The following GRIN2B variants were observed in gnomAD, a reference collection of about 807,000 sequenced individuals.
The protein encoded by GRIN2B is glutamate ionotropic receptor NMDA type subunit 2B.
In GRIN2B, 5 loss-of-function variants were observed where a neutral mutation model predicts 114.5. The observed-to-expected ratio is 0.04, with a 90% CI of 0.02 to 0.09. The LOEUF is 0.09. Ranked by LOEUF, GRIN2B falls within the 10% of genes least tolerant of loss-of-function variation. The pLI is 1.00. For synonymous variants in GRIN2B, 787 were observed against 745.1 expected (o/e 1.06, Z -0.92); for missense variants, 1,108 against 1,943.5 (o/e 0.57, Z 8.08).
At position 13,675,850 on chromosome 12, in the gene GRIN2B, G is replaced by T. The variant is rs778209882; in HGVS notation, c.1020C>A (p.Ile340=). 1.3e-6 allele frequency: 2 copies of T among 1,557,862 alleles called. No homozygotes were observed. Among genetic ancestry groups the T allele is most frequent in the Admixed American group, 1.7e-5 (1 of 59,834 alleles). ...AATTCCTCCCCTCAAAAGTGACATT[G>T]ATCAGATACCTGTAAAGATAAAATA... is the stretch of plus-strand genomic sequence containing the variant. The part of the protein sequence containing the change: ...YQSNMLNRYL[I]NVTFEGRNLS... The change falls in exon 5 of 14, where the codon ATC becomes ATA. Residue 340 remains isoleucine, a synonymous_variant. Transcript: ENST00000609686.
intron 4 of GRIN2B, among the ~76,000 whole-genome samples, chr12:13,723,274 T>C (rs1159596648): frequency 1.3e-5 from 2 of 152,072 alleles, no homozygotes; most frequent in Non-Finnish European, 2.9e-5. Flanking sequence ...TTTCTCCTAA[T>C]GCTATCCCTC....
At chr12:13,572,095 C>G in intron 10 of GRIN2B, 131 bp from the exon 11 acceptor site, 2 of 734,460 alleles carry the variant, frequency 2.7e-6, no homozygotes, top group Non-Finnish European at 4.8e-6. Context: ...AGGGACCCAA[C>G]TATAATTCAC....
At chr12:13,764,838 G>A (rs1863750115) in intron 3 of GRIN2B, among the ~76,000 whole-genome samples, 2 of 152,184 alleles carry the variant, frequency 1.3e-5, no homozygotes, top group African/African-American at 2.4e-5. Context: ...AAGGAAACTC[G>A]GGGCTTATTC....
intron 2 of GRIN2B, among the ~76,000 whole-genome samples, chr12:13,913,031 C>T (rs570602765): frequency 6.6e-6 from 1 of 152,140 alleles, no homozygotes; most frequent in South Asian, 2.1e-4. Context: ...ACTGAGCTCC[C>T]CAAGCATGCC....
Position 13,547,715 on chromosome 12 carries a change from A to AT in GRIN2B, c.*15067dup, listed in dbSNP as rs1948360551. On this transcript the variant is annotated 3_prime_UTR_variant, in exon 14 of 14. Coordinates refer to ENST00000609686, the MANE Select transcript of GRIN2B (RefSeq NM_000834.5). ...AGACTCTGCAGAGCATAATGTTGCTATGGCTTGTTTTACTGAAGTAAAGAC... is the reference window on the plus strand; with the variant it reads ...AGACTCTGCAGAGCATAATGTTGCTATTGGCTTGTTTTACTGAAGTAAAGAC... The AT allele has an allele frequency of 6.6e-6, 1 of 151,824 alleles. No homozygotes were observed. Among genetic ancestry groups the AT allele is most frequent in the Non-Finnish European group, 1.5e-5 (1 of 67,950 alleles). 9.4% of individuals were successfully genotyped at this position (151,824 alleles called of 1,614,324 possible).
chr12:13,977,227 A>G (rs1298583391), intron 2 of GRIN2B: 1 of 152,154 alleles, frequency 6.6e-6, no homozygotes, highest in African/African-American at 2.4e-5. Flanking sequence ...CAAAAATTGC[A>G]TATATACATT....
At position 13,547,981 on chromosome 12, in the gene GRIN2B, A is replaced by ATATATATATATATTTTTT; in HGVS notation, c.*14801_*14802insAAAAAATATATATATATA. ...TGTGTATATATATATATATATATATATTTTTTTTTTTTTTCTGAAAGCTAC... is the reference window on the plus strand; with the variant it reads ...TGTGTATATATATATATATATATATATATATATATATATTTTTTTTTTTTTTTTTTTTCTGAAAGCTAC... On this transcript the variant is annotated 3_prime_UTR_variant, in exon 14 of 14. Transcript: ENST00000609686. 2.5e-4 allele frequency: 17 copies of ATATATATATATATTTTTT among 68,560 alleles called. No individual in the cohort carries two copies. The highest frequency in any genetic ancestry group is 3.8e-4 in the Non-Finnish European group (13 of 34,374). 4.2% of individuals were successfully genotyped at this position (68,560 alleles called of 1,614,324 possible). A position where few individuals can be genotyped will look rare whatever the true frequency, so the allele number is the denominator to read the frequency against.
intron 2 of GRIN2B, among the ~76,000 whole-genome samples, chr12:13,867,201 G>A (rs554705176): frequency 2.0e-5 from 3 of 151,954 alleles, no homozygotes; most frequent in Admixed American, 6.6e-5. Flanking sequence ...CCATCCTATA[G>A]TCGTGACTTC....
chr12:13,737,615 T>C (rs1306678059), intron 4 of GRIN2B, among the ~76,000 whole-genome samples: 4 of 152,190 alleles, frequency 2.6e-5, no homozygotes, highest in Admixed American at 6.5e-5. Flanking sequence ...CCGATGACCT[T>C]AAGGACGTGA....
At chr12:13,866,986 G>A (rs914276832) in intron 2 of GRIN2B, among the ~76,000 whole-genome samples, 1 of 152,172 alleles carries the variant, frequency 6.6e-6, no homozygotes, top group Non-Finnish European at 1.5e-5. Flanking sequence ...AAACAAACCT[G>A]AACCCAGATC....
chr12:13,865,275 C>T (rs1375895781), intron 3 of GRIN2B, among the ~76,000 whole-genome samples: 2 of 152,190 alleles, frequency 1.3e-5, no homozygotes, highest in African/African-American at 2.4e-5. Flanking sequence ...CAAGTGGACA[C>T]AAAAACCTTT....
At chr12:13,738,112 C>A (rs1484611821) in intron 4 of GRIN2B, among the ~76,000 whole-genome samples, 1 of 149,572 alleles carries the variant, frequency 6.7e-6, no homozygotes, top group African/African-American at 2.5e-5. Context: ...AAGATAAAGA[C>A]AACCCACCAT....
At chr12:13,890,135 C>T (rs1004104316) in intron 2 of GRIN2B, among the ~76,000 whole-genome samples, 1 of 152,132 alleles carries the variant, frequency 6.6e-6, no homozygotes, top group Non-Finnish European at 1.5e-5. Context: ...TGGCCTATCT[C>T]GTTTCATGGA....
intron 2 of GRIN2B, among the ~76,000 whole-genome samples, chr12:13,901,984 C>T (rs1866460545): frequency 6.6e-6 from 1 of 151,880 alleles, no homozygotes; most frequent in Non-Finnish European, 1.5e-5. Context: ...TCTGCCATGC[C>T]CTTCTATTAT....
At chr12:13,962,775 A>G (rs1359382160) in intron 2 of GRIN2B, among the ~76,000 whole-genome samples, 4 of 152,198 alleles carry the variant, frequency 2.6e-5, no homozygotes, top group Non-Finnish European at 1.5e-5. Flanking sequence ...GAGTCCAGAC[A>G]GAACTTCCCA....
intron 5 of GRIN2B, among the ~76,000 whole-genome samples, chr12:13,620,768 T>A (rs1217079770): frequency 6.6e-6 from 1 of 152,114 alleles, no homozygotes; most frequent in African/African-American, 2.4e-5. Flanking sequence ...ATCCTACAAA[T>A]TAAAGCACGA....
intron 2 of GRIN2B, among the ~76,000 whole-genome samples, chr12:13,906,596 A>C (rs538294948): frequency 3.3e-4 from 50 of 152,298 alleles, no homozygotes; most frequent in Middle Eastern, 3.4e-3. Context: ...TAAGAAAGAG[A>C]GAAAAAGAGA....
At chr12:13,924,939 T>C (rs1866889655) in intron 2 of GRIN2B, among the ~76,000 whole-genome samples, 1 of 152,094 alleles carries the variant, frequency 6.6e-6, no homozygotes, top group Non-Finnish European at 1.5e-5. Context: ...GTCACAGACA[T>C]GGACAAAACC....
intron 2 of GRIN2B, among the ~76,000 whole-genome samples, chr12:13,896,109 A>G (rs1866347840): frequency 6.6e-6 from 1 of 152,328 alleles, no homozygotes; most frequent in South Asian, 2.1e-4. Context: ...TAAAGTACAC[A>G]AACAGAGGAT....
Sources: gnomAD v4.1 joint callset for allele counts (sites outside exome capture counted in the v4.1 genomes callset) on GRCh38, gnomAD v4.1.1 for gene constraint, MANE v1.5 for transcripts, NCBI Gene and HGNC (gene_info 2026-07-23, HGNC 2026-07-21) for gene names.